Variants in GARIN1A observed in about 807,000 individuals in gnomAD.
GARIN1A encodes the protein golgi associated RAB2 interactor 1A, also known as Golgi-associated RAB2 interactor protein 1A.
At chr7:128,694,528 T>C in the GARIN1A span, among the ~76,000 whole-genome samples, 1 of 142,224 alleles carries the variant, frequency 7.0e-6, no homozygotes. Flanking sequence ...AGTGAGACTC[T>C]GTCTCAAAAA....
the GARIN1A span, among the ~76,000 whole-genome samples, chr7:128,682,489 A>G: frequency 7.3e-4 from 111 of 152,320 alleles, no homozygotes; most frequent in African/African-American, 2.5e-3. Context: ...GCATGTGTGC[A>G]TATTGTCACT....
chr7:128,677,852 T>C, the GARIN1A span: 1 of 1,515,546 alleles, frequency 6.6e-7, no homozygotes, highest in South Asian at 1.2e-5. Context: ...GAGAAATAAG[T>C]ATATATAAGT....
At chr7:128,693,126 G>A in the GARIN1A span, among the ~76,000 whole-genome samples, 1 of 152,212 alleles carries the variant, frequency 6.6e-6, no homozygotes, top group African/African-American at 2.4e-5. Context: ...CCCCATTGGG[G>A]ATACAGATAA....
the GARIN1A span, among the ~76,000 whole-genome samples, chr7:128,682,169 T>C: frequency 6.6e-6 from 1 of 152,056 alleles, no homozygotes; most frequent in East Asian, 1.9e-4. Flanking sequence ...AGGAAGGCTC[T>C]CTCTTTCAGC....
chr7:128,681,613 C>T, the GARIN1A span, among the ~76,000 whole-genome samples: 2 of 151,560 alleles, frequency 1.3e-5, no homozygotes, highest in East Asian at 3.9e-4. Context: ...GCAATCCTCC[C>T]ACCTCAGCCT....
the GARIN1A span, among the ~76,000 whole-genome samples, chr7:128,688,299 C>T: frequency 9.9e-5 from 15 of 152,244 alleles, no homozygotes; most frequent in African/African-American, 1.9e-4. Context: ...CGTGAGCCAC[C>T]GCGCCTGGCC....
chr7:128,695,764 G>C, the GARIN1A span, among the ~76,000 whole-genome samples: 1 of 151,992 alleles, frequency 6.6e-6, no homozygotes, highest in South Asian at 2.1e-4. The surrounding 1 kb of genome is among the most constrained non-coding windows in gnomAD (Gnocchi z 4.5). Flanking sequence ...AGCTGGTCTT[G>C]AACACCTGGC....
the GARIN1A span, among the ~76,000 whole-genome samples, chr7:128,679,341 C>T: frequency 4.6e-5 from 7 of 151,876 alleles, no homozygotes; most frequent in Admixed American, 1.3e-4. Context: ...TACAAGTGTG[C>T]GCCACCACGC....
the GARIN1A span, among the ~76,000 whole-genome samples, chr7:128,700,042 A>G: frequency 6.6e-6 from 1 of 152,016 alleles, no homozygotes; most frequent in Non-Finnish European, 1.5e-5. Flanking sequence ...TAGTACTTAC[A>G]TAGTGTATTT....
the GARIN1A span, among the ~76,000 whole-genome samples, chr7:128,705,118 C>G: frequency 6.6e-6 from 1 of 152,182 alleles, no homozygotes; most frequent in African/African-American, 2.4e-5. Flanking sequence ...GGATGTAACG[C>G]GGTTTGTTTA....
the GARIN1A span, chr7:128,682,855 G>A: frequency 1.2e-6 from 1 of 801,304 alleles, no homozygotes. Context: ...AGGATTACAG[G>A]TGTGAGCCAC....
the GARIN1A span, chr7:128,686,243 A>G: frequency 2.0e-5 from 3 of 152,124 alleles, no homozygotes; most frequent in South Asian, 4.1e-4. Context: ...AGTAACCCCA[A>G]TTGGTCTCCC....
At chr7:128,672,873 G>A in the GARIN1A span, among the ~76,000 whole-genome samples, 2 of 152,214 alleles carry the variant, frequency 1.3e-5, no homozygotes, top group Non-Finnish European at 2.9e-5. Context: ...TGGTTACAGG[G>A]AATGAAGGTT....
chr7:128,678,092 C>T, the GARIN1A span: 34 of 209,356 alleles, frequency 1.6e-4, no homozygotes, highest in African/African-American at 8.6e-4. Flanking sequence ...GCGATCTCGG[C>T]TCACTGCAGC....
At chr7:128,680,060 G>A in the GARIN1A span, 1 of 1,577,400 alleles carries the variant, frequency 6.3e-7, no homozygotes. Flanking sequence ...CATCCCCCCA[G>A]CCCAGCGAGC....
At chr7:128,683,743 C>G in the GARIN1A span, 1 of 152,314 alleles carries the variant, frequency 6.6e-6, no homozygotes, top group African/African-American at 2.4e-5. Context: ...GTTAGGATTA[C>G]AGGCGTGAGC....
chr7:128,673,947 G>C, the GARIN1A span, among the ~76,000 whole-genome samples: 2 of 152,008 alleles, frequency 1.3e-5, no homozygotes, highest in African/African-American at 4.8e-5. Context: ...TCACTCCGTT[G>C]CCCTGGCATG....
the GARIN1A span, among the ~76,000 whole-genome samples, chr7:128,708,470 T>G: frequency 1.3e-5 from 2 of 151,920 alleles, no homozygotes; most frequent in Admixed American, 1.3e-4. Context: ...CCAGCTGGGC[T>G]TTTCTGTCTC....
chr7:128,700,234 T>G, the GARIN1A span, among the ~76,000 whole-genome samples: 13 of 152,174 alleles, frequency 8.5e-5, no homozygotes, highest in Non-Finnish European at 1.0e-4. Context: ...ATTCTTGCTT[T>G]CTTTAGTACT....
Sources: allele counts gnomAD v4.1 joint callset (sites outside exome capture counted in the v4.1 genomes callset), GRCh38; gene constraint gnomAD v4.1.1; non-coding constraint Gnocchi (gnomAD v3.1); transcripts MANE v1.5; gene names NCBI Gene and HGNC (gene_info 2026-07-23, HGNC 2026-07-21).